Variants in WAPL observed in about 807,000 individuals in gnomAD.
WAPL encodes the protein WAPL cohesin release factor.
WAPL carries 5 observed loss-of-function variants against 121.0 expected under a neutral mutation model. The observed-to-expected ratio is 0.04, with a 90% CI of 0.02 to 0.09. WAPL has a LOEUF of 0.09. Ranked by LOEUF, WAPL falls within the 10% of genes least tolerant of loss-of-function variation. The pLI, the probability that WAPL is intolerant of heterozygous loss-of-function variation, is 1.00. For synonymous variants in WAPL, 480 were observed against 481.5 expected (o/e 1.00, Z 0.04); for missense variants, 999 against 1,410.8 (o/e 0.71, Z 4.68).
At chr10:86,466,665 G>A (rs1276532031) in intron 9 of WAPL, among the ~76,000 whole-genome samples, 1 of 136,416 alleles carries the variant, frequency 7.3e-6, no homozygotes, top group Non-Finnish European at 1.5e-5. Flanking sequence ...GAAATCCATG[G>A]AGAATAAGAA....
chr10:86,490,780 A>G (rs1842029998), intron 4 of WAPL, among the ~76,000 whole-genome samples: 1 of 152,100 alleles, frequency 6.6e-6, no homozygotes. Flanking sequence ...TTAAATTTGA[A>G]GGCCGGGCGC....
chr10:86,505,158 GT>G (rs199985167), intron 2 of WAPL, among the ~76,000 whole-genome samples: 2 of 145,038 alleles, frequency 1.4e-5, no homozygotes, highest in East Asian at 2.0e-4. Context: ...AAGCTGTAGA[GT>G]TTTTTTTTCT....
chr10:86,499,814 T>C lies in WAPL; in HGVS notation c.1429A>G (p.Lys477Glu), dbSNP rs759026277. The change falls in exon 3 of 19, where the codon AAA (lysine) becomes GAA (glutamate). Residue 477 changes from lysine (K) to glutamate (E), a missense_variant. Transcript: ENST00000298767. ...DDCQVERKTSKKRTKTAPSPS... is the reference protein window; with the variant it reads ...DDCQVERKTSEKRTKTAPSPS... ...GATGGAGCTGTTTTAGTTCTTTTTT[T>C]GCTTGTCTTTCTTTCTACTTGACAG... The C allele has an allele frequency of 4.3e-6, 7 of 1,613,528 alleles. No homozygotes were observed. Among genetic ancestry groups the C allele is most frequent in the Admixed American group, 1.7e-5 (1 of 59,838 alleles).
chr10:86,504,610 G>A (rs1175474405), intron 2 of WAPL, among the ~76,000 whole-genome samples: 1 of 150,774 alleles, frequency 6.6e-6, no homozygotes, highest in Admixed American at 6.6e-5. Context: ...CTGGGAGGCA[G>A]AGGTGGCAGT....
rs148982001 is a variant in WAPL at position 86,472,935 on chromosome 10, A to C, written c.1741-171T>G. Among the ~76,000 whole-genome samples, 16 of 152,348 alleles carry C rather than the reference A, an allele frequency of 1.1e-4. No homozygotes were observed. The East Asian group carries it at 2.9e-3, about 27-fold the overall frequency. ...GAAATACTTTGAATTCCATGCACTA[A>C]CAGGTAAGACATATGTATATCTGCA... On this transcript the variant is annotated intron_variant, in intron 5 of 18. Coordinates refer to ENST00000298767, the MANE Select transcript of WAPL (RefSeq NM_015045.5). The surrounding 1 kb of genome is among the most constrained non-coding windows in gnomAD (Gnocchi z 4.2).
intron 4 of WAPL, among the ~76,000 whole-genome samples, chr10:86,482,446 C>T (rs570141259): frequency 1.4e-4 from 22 of 152,226 alleles, no homozygotes; most frequent in Admixed American, 7.2e-4. Flanking sequence ...TTCCTATGCC[C>T]GTTTGCTAAA....
intron 1 of WAPL, among the ~76,000 whole-genome samples, chr10:86,520,461 C>A (rs1842653465): frequency 6.6e-6 from 1 of 152,102 alleles, no homozygotes; most frequent in South Asian, 2.1e-4. Flanking sequence ...TAAATCCAAG[C>A]GATGGGTACA....
At chr10:86,477,896 A>G (rs990928681) in intron 4 of WAPL, among the ~76,000 whole-genome samples, 23 of 151,946 alleles carry the variant, frequency 1.5e-4, no homozygotes, top group Admixed American at 1.4e-3. Flanking sequence ...CCTGGCCAAC[A>G]TGGTGAAACC....
chr10:86,478,300 G>A (rs1297052778), intron 4 of WAPL, among the ~76,000 whole-genome samples: 3 of 151,864 alleles, frequency 2.0e-5, no homozygotes, highest in African/African-American at 4.8e-5. Flanking sequence ...ATGGTGGCAC[G>A]TGCCTGTGGT....
rs542100196 is a variant in WAPL at position 86,476,880 on chromosome 10, T to A, written c.1645-2907A>T. On this transcript the variant is annotated intron_variant, in intron 4 of 18. Coordinates refer to ENST00000298767, the MANE Select transcript of WAPL (RefSeq NM_015045.5). ...ATTCATCTCAAAAGTCCTTGAAGCA[T>A]AACAGCATACAGAATAATTGAACAA... 1.4e-4 allele frequency among the ~76,000 whole-genome samples: 21 copies of A among 152,292 alleles called. No individual in the cohort carries two copies. In the South Asian group the frequency reaches 4.1e-3, roughly 30 times the overall value.
chr10:86,517,551 T>C lies in WAPL; in HGVS notation c.499+20A>G. On this transcript the variant is annotated intron_variant, in intron 2 of 18. Transcript: ENST00000298767. The stretch of plus-strand genomic sequence containing the variant: ...TGCACAAAGCTCTCTTGGCGGAGAA[T>C]AAAGAAAATCAAAACTTACCTGAAG... 6.3e-7 allele frequency: 1 copy of C among 1,582,604 alleles called. No homozygotes were observed. The highest frequency in any genetic ancestry group is 2.2e-5 in the East Asian group (1 of 44,514).
chr10:86,497,154 T>C (rs1029227962), intron 4 of WAPL, 47 bp downstream of exon 4: 1 of 1,441,402 alleles, frequency 6.9e-7, no homozygotes. Flanking sequence ...AGTTGAGCCC[T>C]CCAATAACAA....
intron 16 of WAPL, among the ~76,000 whole-genome samples, chr10:86,444,236 G>A (rs1231184601): frequency 2.6e-5 from 4 of 152,172 alleles, no homozygotes; most frequent in South Asian, 2.1e-4. Flanking sequence ...ACCTTCATAC[G>A]TTGCTGATGG....
intron 2 of WAPL, among the ~76,000 whole-genome samples, chr10:86,515,260 C>T (rs1251864338): frequency 6.8e-6 from 1 of 147,588 alleles, no homozygotes; most frequent in Non-Finnish European, 1.5e-5. Context: ...GAGACTTCAT[C>T]TCAAAAAAAA....
rs979245641 is a variant in WAPL at position 86,521,411 on chromosome 10, C to T, written c.-69G>A. 8 of 304,844 alleles carry T rather than the reference C, an allele frequency of 2.6e-5. No homozygotes were observed. The Admixed American group carries it at 4.7e-4, about 18-fold the overall frequency. 18.9% of individuals were successfully genotyped at this position (304,844 alleles called of 1,614,324 possible). On this transcript the variant is annotated 5_prime_UTR_variant, in exon 1 of 19. Transcript: ENST00000298767. ...TTGGCCACGGGCCGCCTCCGCCTCT[C>T]CCGCTCCCTACGGCCCGCGGGCGGG...
In WAPL at chr10:86,500,159, G is replaced by A. The variant is rs1176029468; in HGVS notation, c.1084C>T (p.His362Tyr). 1.9e-6 allele frequency: 3 copies of A among 1,614,164 alleles called. No individual in the cohort carries two copies. Among genetic ancestry groups the A allele is most frequent in the Non-Finnish European group, 2.5e-6 (3 of 1,180,028 alleles). ...VGRTRDYTVLHPSCLSVCNVT... is the reference protein window; with the variant it reads ...VGRTRDYTVLYPSCLSVCNVT... ...TTACAAACTGACAAGCAAGATGGAT[G>A]TAAAACAGTGTAATCTCTAGTCCGT... The change falls in exon 3 of 19, where the codon CAT becomes TAT. Residue 362 changes from histidine to tyrosine, a missense_variant. Physicochemically the swap from His to Tyr is moderately conservative, Grantham distance 83 (BLOSUM62 2). Coordinates refer to ENST00000298767, the MANE Select transcript of WAPL (RefSeq NM_015045.5).
At chr10:86,470,010 C>G (rs2132190982) in intron 8 of WAPL, among the ~76,000 whole-genome samples, 1 of 152,148 alleles carries the variant, frequency 6.6e-6, no homozygotes, top group Non-Finnish European at 1.5e-5. Context: ...CGAATGCACA[C>G]CACCTTGCCC....
At chr10:86,477,205 G>C (rs1232522778) in intron 4 of WAPL, among the ~76,000 whole-genome samples, 2 of 152,160 alleles carry the variant, frequency 1.3e-5, no homozygotes, top group Non-Finnish European at 2.9e-5. Context: ...AAGAAACAGG[G>C]AAAGAGAGAA....
intron 15 of WAPL, among the ~76,000 whole-genome samples, chr10:86,447,856 C>T (rs1477102247): frequency 6.6e-6 from 1 of 151,552 alleles, no homozygotes; most frequent in African/African-American, 2.4e-5. Flanking sequence ...TGGCGACTAG[C>T]CCGGCAAACA....
Sources: allele counts gnomAD v4.1 joint callset (sites outside exome capture counted in the v4.1 genomes callset), GRCh38; gene constraint gnomAD v4.1.1; non-coding constraint Gnocchi (gnomAD v3.1); transcripts MANE v1.5; gene names NCBI Gene and HGNC (gene_info 2026-07-23, HGNC 2026-07-21).